Variants in TUB observed in about 807,000 individuals in gnomAD.
TUB encodes tubby protein homolog.
In TUB, 33 loss-of-function variants were observed where a neutral mutation model predicts 59.7. The ratio of observed to expected loss-of-function variants is 0.55; its 90% CI spans 0.42 to 0.74. The LOEUF is 0.74. TUB is among the 30% of genes least tolerant of loss of function. The pLI, the probability that TUB is intolerant of heterozygous loss-of-function variation, is 0.00. For synonymous variants in TUB, 293 were observed against 256.4 expected, an observed-to-expected ratio of 1.14 and a Z score of -1.36; for missense variants, 659 against 672.0, an observed-to-expected ratio of 0.98 and a Z score of 0.21.
At chr11:8,066,595 C>G (rs1203973452) in intron 2 of TUB, among the ~76,000 whole-genome samples, 2 of 152,188 alleles carry the variant, frequency 1.3e-5, no homozygotes, top group Non-Finnish European at 2.9e-5. Context: ...GGCAGCCACC[C>G]TGCTTGGGGC....
At chr11:8,082,362 G>C (rs1305550684) in intron 1 of TUB, among the ~76,000 whole-genome samples, 1 of 152,198 alleles carries the variant, frequency 6.6e-6, no homozygotes, top group Non-Finnish European at 1.5e-5. Flanking sequence ...CATTTGCCTG[G>C]GAAGGGGGCG....
chr11:8,032,060 A>T (rs1035004020), intron 1 of TUB, among the ~76,000 whole-genome samples: 2 of 151,898 alleles, frequency 1.3e-5, no homozygotes, highest in African/African-American at 2.4e-5. Flanking sequence ...AAGGAAGGGG[A>T]GCAGCCGCGA....
At chr11:8,093,333 T>C (rs1943842207) in intron 3 of TUB, among the ~76,000 whole-genome samples, 1 of 152,084 alleles carries the variant, frequency 6.6e-6, no homozygotes, top group African/African-American at 2.4e-5. Context: ...CAGACCAGCC[T>C]GGTGTGGCTG....
At position 8,039,178 on chromosome 11, in the gene TUB, G is replaced by A. The variant is rs546532172; in HGVS notation, c.155+150G>A. ...CCTATCACCACGTGGAGCCCCACAGGTATATCCCCGCAAACCCCTCTTGCT... is the reference window on the plus strand; with the variant it reads ...CCTATCACCACGTGGAGCCCCACAGATATATCCCCGCAAACCCCTCTTGCT... On this transcript the variant is annotated intron_variant, in intron 1 of 12. Coordinates refer to the TUB transcript ENST00000305253. 3 of 1,051,654 alleles carry A rather than the reference G, an allele frequency of 2.9e-6. No homozygotes were observed. The East Asian group carries it at 7.9e-5, about 28-fold the overall frequency. The allele number at this position is 1,051,654 out of a possible 1,614,324, so 65.1% of individuals were successfully genotyped here. A position where few individuals can be genotyped will look rare whatever the true frequency, so the allele number is the denominator to read the frequency against.
chr11:8,092,038 C>T (rs905292589), intron 3 of TUB, among the ~76,000 whole-genome samples: 11 of 152,242 alleles, frequency 7.2e-5, no homozygotes, highest in African/African-American at 2.4e-4. Context: ...AGGTCATTGA[C>T]GTGCAGTCGT....
Position 8,105,767 on chromosome 11 carries a change from T to TC in TUB, c.*4151dup, listed in dbSNP as rs1944557049. 1 of 152,200 alleles carries TC rather than the reference T, an allele frequency of 6.6e-6. No individual in the cohort carries two copies. Among genetic ancestry groups the TC allele is most frequent in the Non-Finnish European group, 1.5e-5 (1 of 68,042 alleles). The allele number at this position is 152,200 out of a possible 1,614,324, so 9.4% of individuals were successfully genotyped here. A position where few individuals can be genotyped will look rare whatever the true frequency, so the allele number is the denominator to read the frequency against. On this transcript the variant is annotated 3_prime_UTR_variant, in exon 12 of 12. Coordinates refer to ENST00000299506, the MANE Select transcript of TUB (RefSeq NM_177972.3). ...TTTCTTTCCTAAGAAAGACATCACA[T>TC]CCCTCTCCTCTCCTCCTCTGTGCTC...
chr11:8,097,690 T>C, intron 7 of TUB, 24 bp from the exon 8 acceptor site: 1 of 1,594,728 alleles, frequency 6.3e-7, no homozygotes. Flanking sequence ...GAGTCTGGAA[T>C]ATGACCTCAT....
intron 2 of TUB, among the ~76,000 whole-genome samples, chr11:8,045,260 A>T (rs571779420): frequency 6.6e-6 from 1 of 152,164 alleles, no homozygotes; most frequent in Non-Finnish European, 1.5e-5. Context: ...AATAAAAAAG[A>T]TGTTCCTATC....
At chr11:8,069,400 G>T (rs201527421) in intron 2 of TUB, 1 of 2,402 alleles carries the variant, frequency 4.2e-4, no homozygotes, top group Non-Finnish European at 3.2e-3. Flanking sequence ...GTATTCTTTC[G>T]GGGGGGGGGG....
chr11:8,026,368 C>T (rs945706194), intron 1 of TUB, among the ~76,000 whole-genome samples: 1 of 151,208 alleles, frequency 6.6e-6, no homozygotes, highest in Non-Finnish European at 1.5e-5. Context: ...TCATTGCCTA[C>T]TTTGCGGTGA....
Position 8,105,816 on chromosome 11 carries a change from G to A in TUB, c.*4197G>A, listed in dbSNP as rs1439271010. ...TCCTGTCCCTCCCTCCCCCTAGCAA[G>A]GTCCAGGCAAAGCTGGAGATGAGGC... On this transcript the variant is annotated 3_prime_UTR_variant, in exon 12 of 12. Coordinates refer to ENST00000299506, the MANE Select transcript of TUB (RefSeq NM_177972.3). 6.6e-6 allele frequency: 1 copy of A among 152,118 alleles called. No homozygotes were observed. Among genetic ancestry groups the A allele is most frequent in the African/African-American group, 2.4e-5 (1 of 41,404 alleles). The allele number at this position is 152,118 out of a possible 1,614,324, so 9.4% of individuals were successfully genotyped here.
chr11:8,049,378 GAGT>G (rs1451826789), intron 2 of TUB, among the ~76,000 whole-genome samples: 1 of 152,080 alleles, frequency 6.6e-6, no homozygotes, highest in East Asian at 1.9e-4. Flanking sequence ...GAGTCATTGA[GAGT>G]AGGGCCCAAG....
intron 1 of TUB, among the ~76,000 whole-genome samples, chr11:8,030,079 G>C (rs567310662): frequency 6.6e-6 from 1 of 152,240 alleles, no homozygotes; most frequent in Non-Finnish European, 1.5e-5. Context: ...GGGGCTCAGG[G>C]TGATTTATGG....
intron 4 of TUB, among the ~76,000 whole-genome samples, chr11:8,094,631 A>G (rs1385531030): frequency 2.6e-5 from 4 of 152,126 alleles, no homozygotes; most frequent in African/African-American, 9.7e-5. Context: ...CCTTGACTCC[A>G]TATTCTAGTC....
chr11:8,066,070 T>A (rs920877251), intron 2 of TUB, among the ~76,000 whole-genome samples: 2 of 152,154 alleles, frequency 1.3e-5, no homozygotes, highest in African/African-American at 4.8e-5. Flanking sequence ...TGGCTAATCA[T>A]GTCACCCCAG....
At chr11:8,028,802 G>A (rs1381137130) in intron 1 of TUB, among the ~76,000 whole-genome samples, 1 of 151,978 alleles carries the variant, frequency 6.6e-6, no homozygotes, top group Non-Finnish European at 1.5e-5. Context: ...TGGAGTCTAG[G>A]AGTTTGAGAC....
At chr11:8,081,862 C>T (rs1341115853) in intron 1 of TUB, among the ~76,000 whole-genome samples, 3 of 152,202 alleles carry the variant, frequency 2.0e-5, no homozygotes, top group African/African-American at 4.8e-5. Context: ...AGGCCCAGAA[C>T]CCCAGTCACA....
At chr11:8,020,131 T>C (rs1305965995) in intron 1 of TUB, among the ~76,000 whole-genome samples, 1 of 152,274 alleles carries the variant, frequency 6.6e-6, no homozygotes, top group African/African-American at 2.4e-5. Flanking sequence ...TGTTGGTGTG[T>C]TAAATGCCAC....
intron 1 of TUB, among the ~76,000 whole-genome samples, chr11:8,084,734 G>T (rs937738674): frequency 1.3e-5 from 2 of 152,164 alleles, no homozygotes; most frequent in Admixed American, 6.5e-5. Flanking sequence ...AGCCTCTAGG[G>T]CTTCCTTGGC....
Sources: gnomAD v4.1 joint callset for allele counts (sites outside exome capture counted in the v4.1 genomes callset) on GRCh38, gnomAD v4.1.1 for gene constraint, MANE v1.5 for transcripts, NCBI Gene and HGNC (gene_info 2026-07-23, HGNC 2026-07-21) for gene names.